Variants in SLIT3 observed in about 807,000 individuals in gnomAD.
SLIT3 encodes slit homolog 3 protein.
SLIT3 carries 68 observed loss-of-function variants against 184.0 expected under a neutral mutation model. That is an observed-to-expected ratio of 0.37 (90% CI 0.30 to 0.45). SLIT3 has a LOEUF of 0.45. Among genes scored for constraint, SLIT3 ranks in the 20% least tolerant of loss-of-function variants. The pLI is 1.00. For missense variants in SLIT3, 1,707 were observed against 2,026.0 expected, an observed-to-expected ratio of 0.84 and a Z score of 3.02; for synonymous variants, 831 against 828.6, an observed-to-expected ratio of 1.00 and a Z score of -0.05.
intron 4 of SLIT3, among the ~76,000 whole-genome samples, chr5:169,111,111 C>T (rs1473193203): frequency 6.6e-6 from 1 of 152,194 alleles, no homozygotes; most frequent in African/African-American, 2.4e-5. Context: ...CATTTTTCAC[C>T]TCGTCTCTAC....
intron 1 of SLIT3, among the ~76,000 whole-genome samples, chr5:169,267,003 C>G (rs1370026512): frequency 6.6e-6 from 1 of 152,196 alleles, no homozygotes; most frequent in Non-Finnish European, 1.5e-5. Flanking sequence ...GTCCAAATAA[C>G]TTTCTGCTAT....
intron 9 of SLIT3, among the ~76,000 whole-genome samples, chr5:168,804,813 G>T (rs1756900993): frequency 1.3e-5 from 2 of 152,170 alleles, no homozygotes; most frequent in African/African-American, 4.8e-5. Context: ...TTTCAATCAA[G>T]GTAAAGCCAA....
intron 4 of SLIT3, among the ~76,000 whole-genome samples, chr5:169,129,089 C>G (rs918700470): frequency 6.6e-6 from 1 of 152,126 alleles, no homozygotes; most frequent in Non-Finnish European, 1.5e-5. Flanking sequence ...GCTTGTTCAT[C>G]GAAACCTACA....
At chr5:168,995,486 C>T (rs1364842093) in intron 4 of SLIT3, 1 of 152,142 alleles carries the variant, frequency 6.6e-6, no homozygotes, top group Non-Finnish European at 1.5e-5. Context: ...TTGTCTTCCC[C>T]AGGTACTCAA....
chr5:168,692,721 A>G (rs1212885466), intron 28 of SLIT3, 21 bp from the exon 29 acceptor site: 7 of 1,588,038 alleles, frequency 4.4e-6, no homozygotes, highest in Non-Finnish European at 6.1e-6. Context: ...TGGGGGAGAT[A>G]GCTCAGGCCT....
intron 21 of SLIT3, among the ~76,000 whole-genome samples, chr5:168,723,235 C>A (rs1428158991): frequency 6.6e-6 from 1 of 151,848 alleles, no homozygotes; most frequent in Admixed American, 6.6e-5. Flanking sequence ...ATACATCTAC[C>A]CACCCACCCA....
At chr5:168,907,975 T>G (rs71589844) in intron 4 of SLIT3, among the ~76,000 whole-genome samples, 22,024 of 62,046 alleles carry the variant, frequency 0.35, 3,522 homozygotes, top group African/African-American at 0.42. Flanking sequence ...TATATATATA[T>G]ATATAGAGAG....
chr5:169,114,654 C>A (rs1760582084), intron 4 of SLIT3, among the ~76,000 whole-genome samples: 3 of 152,158 alleles, frequency 2.0e-5, no homozygotes, highest in Admixed American at 2.0e-4. Context: ...CTGGGAGGGC[C>A]ATGAGGAGGG....
intron 4 of SLIT3, among the ~76,000 whole-genome samples, chr5:168,898,469 A>C (rs977895741): frequency 6.6e-6 from 1 of 152,162 alleles, no homozygotes; most frequent in African/African-American, 2.4e-5. Context: ...ATGAGATATA[A>C]AAATGGTCCT....
intron 4 of SLIT3, among the ~76,000 whole-genome samples, chr5:169,095,156 C>T (rs1759731672): frequency 6.6e-6 from 1 of 152,212 alleles, no homozygotes; most frequent in Non-Finnish European, 1.5e-5. Context: ...AAGGCAAACC[C>T]TTGTCTCAAT....
chr5:169,187,781 TGGCTTCAAGTGATCAGCCCGCCTC>T (rs1179464928), intron 4 of SLIT3, among the ~76,000 whole-genome samples: 1 of 151,958 alleles, frequency 6.6e-6, no homozygotes, highest in Non-Finnish European at 1.5e-5. Context: ...CTCAAACTCC[TGGCTTCAAGTGATCAGCCCGCCTC>T]GGCTTCCCAA....
At chr5:168,981,205 G>T (rs1481390376) in intron 4 of SLIT3, among the ~76,000 whole-genome samples, 1 of 152,178 alleles carries the variant, frequency 6.6e-6, no homozygotes, top group Non-Finnish European at 1.5e-5. Context: ...GCTACAATTT[G>T]TGTAGCATGT....
At chr5:169,076,995 A>T (rs116498147) in intron 4 of SLIT3, among the ~76,000 whole-genome samples, 1 of 152,084 alleles carries the variant, frequency 6.6e-6, no homozygotes, top group Non-Finnish European at 1.5e-5. Context: ...AGGGATAAAC[A>T]GTTGACCCTT....
chr5:168,730,092 A>G (rs913913440), intron 20 of SLIT3, among the ~76,000 whole-genome samples: 4 of 142,364 alleles, frequency 2.8e-5, no homozygotes, highest in Non-Finnish European at 6.1e-5. Flanking sequence ...CAGATAAAAA[A>G]GACATATCAC....
At chr5:168,701,952 G>T (rs773731110) in intron 26 of SLIT3, among the ~76,000 whole-genome samples, 2 of 152,262 alleles carry the variant, frequency 1.3e-5, no homozygotes, top group Admixed American at 6.5e-5. Flanking sequence ...CTTGGGCCCA[G>T]GACAGCCTCT....
At chr5:168,680,154 C>CG (rs1016652104) in intron 32 of SLIT3, among the ~76,000 whole-genome samples, 3 of 152,220 alleles carry the variant, frequency 2.0e-5, no homozygotes, top group Admixed American at 2.0e-4. Context: ...CTGTAGCCCC[C>CG]ACCACTCCCT....
chr5:168,748,195 C>G, intron 20 of SLIT3, 107 bp downstream of exon 20: 1 of 1,291,520 alleles, frequency 7.7e-7, no homozygotes. Flanking sequence ...AGGGTCTCCC[C>G]CCGGCAGTTT....
chr5:168,785,050 T>C (rs1345494201), intron 12 of SLIT3, among the ~76,000 whole-genome samples: 1 of 151,866 alleles, frequency 6.6e-6, no homozygotes, highest in Non-Finnish European at 1.5e-5. Context: ...CGAGACTTGG[T>C]CTTCTCCACT....
chr5:168,827,024 A>G (rs1435082804), intron 6 of SLIT3, among the ~76,000 whole-genome samples: 1 of 152,176 alleles, frequency 6.6e-6, no homozygotes, highest in African/African-American at 2.4e-5. Context: ...TAGGCCTCCC[A>G]AAGTGCTGGG....
Sources: gnomAD v4.1 joint callset for allele counts (sites outside exome capture counted in the v4.1 genomes callset) on GRCh38, gnomAD v4.1.1 for gene constraint, MANE v1.5 for transcripts, NCBI Gene and HGNC (gene_info 2026-07-23, HGNC 2026-07-21) for gene names.